PCDHGB4: variants seen among roughly 807,000 people sequenced by gnomAD.
PCDHGB4 encodes protocadherin gamma subfamily B, 4.
PCDHGB4 carries 38 observed loss-of-function variants against 60.5 expected under a neutral mutation model. The observed-to-expected ratio is 0.63, with a 90% CI of 0.48 to 0.82. The LOEUF (loss-of-function observed/expected upper bound fraction) is 0.82. Among genes scored for constraint, PCDHGB4 ranks in the 40% least tolerant of loss-of-function variants. The probability of loss-of-function intolerance (pLI) is 0.00; values close to 1 mark genes in which losing one functional copy is unlikely to be tolerated. For missense variants in PCDHGB4, 1,109 were observed against 1,209.6 expected (o/e 0.92, Z 1.23); for synonymous variants, 456 against 509.7 (o/e 0.89, Z 1.42).
chr5:141,423,011 T>C, intron 1 of PCDHGB4: 4 of 1,614,186 alleles, frequency 2.5e-6, no homozygotes, highest in Non-Finnish European at 3.4e-6. Flanking sequence ...GTGGTTGCGG[T>C]GGACAAAGAT....
chr5:141,485,259 G>C lies in PCDHGB4; in HGVS notation c.2398-9548G>C. ...TTTTACCACCTGGGTTACGTTTGTGGGCAGATCCGCTACCCGGTCCCAGAG... is the reference window on the plus strand; with the variant it reads ...TTTTACCACCTGGGTTACGTTTGTGCGCAGATCCGCTACCCGGTCCCAGAG... On this transcript the variant is annotated intron_variant, in intron 1 of 3. Coordinates refer to ENST00000519479, the MANE Select transcript of PCDHGB4 (RefSeq NM_003736.4). The surrounding 1 kb of genome is among the most constrained non-coding windows in gnomAD (Gnocchi z 5.7). 1.2e-6 allele frequency: 2 copies of C among 1,614,136 alleles called. No homozygotes were observed. The highest frequency in any genetic ancestry group is 1.7e-6 in the Non-Finnish European group (2 of 1,180,002).
At chr5:141,438,091 C>T (rs964466012) in intron 1 of PCDHGB4, among the ~76,000 whole-genome samples, 1 of 152,098 alleles carries the variant, frequency 6.6e-6, no homozygotes, top group Admixed American at 6.6e-5. Flanking sequence ...TTACCAGTAA[C>T]AGGGCATACT....
At chr5:141,447,636 T>C (rs772671166) in intron 1 of PCDHGB4, among the ~76,000 whole-genome samples, 49 of 152,136 alleles carry the variant, frequency 3.2e-4, no homozygotes, top group Non-Finnish European at 5.3e-4. Context: ...ACAGTATGAA[T>C]GATGGTAGAA....
At chr5:141,422,847 C>T (rs1271794821) in intron 1 of PCDHGB4, 2 of 1,614,116 alleles carry the variant, frequency 1.2e-6, no homozygotes, top group Non-Finnish European at 1.7e-6. Context: ...ACAGCGGGGA[C>T]CCGCCCCTCA....
chr5:141,417,634 G>A, intron 1 of PCDHGB4: 1 of 721,778 alleles, frequency 1.4e-6, no homozygotes, highest in Non-Finnish European at 2.1e-6. Context: ...GCTGACGCCG[G>A]GGATCCCTCA....
chr5:141,478,878 T>C (rs946127535), intron 1 of PCDHGB4: 8 of 1,250,076 alleles, frequency 6.4e-6, no homozygotes, highest in Non-Finnish European at 8.6e-6. Context: ...GAGTTTAGCT[T>C]GGTATCATTT....
rs1365133001 is a variant in PCDHGB4 at position 141,477,683 on chromosome 5, G to A, written c.2398-17124G>A. ...TGACAATGGCATAGTGTCATCCTTA[G>A]TGCCCCTAGACTATGAGGATCGGCG... On this transcript the variant is annotated intron_variant, in intron 1 of 3. Transcript: ENST00000519479. This position sits in a 1 kb window ranked among gnomAD's most constrained non-coding sequence, Gnocchi z 4.9. 1.2e-6 allele frequency: 2 copies of A among 1,614,176 alleles called. No homozygotes were observed. The highest frequency in any genetic ancestry group is 3.3e-5 in the Admixed American group (2 of 60,028).
rs775775135 is a variant in PCDHGB4 at position 141,400,234 on chromosome 5, G to GTTGCCTTGCGCCTCC, written c.2397+9954_2397+9955insTGCCTTGCGCCTCCT. The GTTGCCTTGCGCCTCC allele has an allele frequency of 3.1e-6, 5 of 1,613,868 alleles. No homozygotes were observed. In the East Asian group the frequency reaches 1.1e-4, roughly 36 times the overall value. On this transcript the variant is annotated intron_variant, in intron 1 of 3. Transcript: ENST00000519479. ...GATCTCAGTGCTCTTCCTCCTGGCC[G>GTTGCCTTGCGCCTCC]TGATTCTGGCCGTTGCCTTGCGCCT...
At chr5:141,423,228 C>G (rs1321708353) in intron 1 of PCDHGB4, 5 of 1,613,866 alleles carry the variant, frequency 3.1e-6, no homozygotes, top group Non-Finnish European at 2.5e-6. Context: ...CTGTGGCCGA[C>G]AGCATCCCCG....
intron 1 of PCDHGB4, among the ~76,000 whole-genome samples, chr5:141,459,534 T>G (rs980917458): frequency 1.3e-5 from 2 of 151,990 alleles, no homozygotes; most frequent in African/African-American, 2.4e-5. Flanking sequence ...TGTAGGCATA[T>G]TTTTTTTATT....
chr5:141,495,735 T>C (rs1595351919), intron 2 of PCDHGB4, among the ~76,000 whole-genome samples: 1 of 152,044 alleles, frequency 6.6e-6, no homozygotes, highest in Admixed American at 6.5e-5. Context: ...CCTTAGTCTC[T>C]TTCTCCTTCT....
intron 1 of PCDHGB4, chr5:141,441,694 G>A (rs1443778772): frequency 2.3e-5 from 7 of 301,140 alleles, no homozygotes; most frequent in Non-Finnish European, 2.6e-5. Context: ...GAGCAGCCGC[G>A]AGCCTTCAAG....
chr5:141,454,669 AC>A (rs1292139052), intron 1 of PCDHGB4, among the ~76,000 whole-genome samples: 1 of 151,212 alleles, frequency 6.6e-6, no homozygotes, highest in African/African-American at 2.4e-5. Context: ...GCCTCCCAAA[AC>A]ACTGGGATTA....
chr5:141,390,358 G>A lies in PCDHGB4; in HGVS notation c.2397+77G>A, dbSNP rs934109377. ...TATTCACAAGAAAATATACATATTT[G>A]CAGGAAAATATATAATTTTTAGATG... is the stretch of plus-strand genomic sequence containing the variant. On this transcript the variant is annotated intron_variant, in intron 1 of 3. Coordinates refer to ENST00000519479, the MANE Select transcript of PCDHGB4 (RefSeq NM_003736.4). The A allele has an allele frequency of 3.9e-6, 6 of 1,540,796 alleles. No homozygotes were observed. In the African/African-American group the frequency reaches 8.3e-5, roughly 21 times the overall value.
intron 1 of PCDHGB4, chr5:141,392,860 T>A (rs726684): frequency 2.5e-6 from 4 of 1,612,016 alleles, no homozygotes; most frequent in Admixed American, 3.4e-5. Flanking sequence ...CTGATCCTGC[T>A]GTGCGCGCTG....
chr5:141,450,758 A>G (rs1007910264), intron 1 of PCDHGB4, among the ~76,000 whole-genome samples: 2 of 151,784 alleles, frequency 1.3e-5, no homozygotes, highest in African/African-American at 4.8e-5. Flanking sequence ...AAGTGCCGGG[A>G]TTACAGGCAT....
chr5:141,511,129 G>A lies in PCDHGB4; in HGVS notation c.2728G>A (p.Gly910Ser). ...GCGGGATGGCAAGGCCCCAGCAGGT[G>A]GCAATGGCAACAAGAAGAAGTCGGG... ...GKRDGKAPAGGNGNKKKSGKK... is the reference protein window; with the variant it reads ...GKRDGKAPAGSNGNKKKSGKK... Residue 910 changes from glycine to serine, a missense_variant, in exon 4 of 4, where the codon GGC becomes AGC. By Grantham distance (56) the Gly-to-Ser change is moderately conservative. Coordinates refer to ENST00000519479, the MANE Select transcript of PCDHGB4 (RefSeq NM_003736.4). 1 of 1,614,204 alleles carries A rather than the reference G, an allele frequency of 6.2e-7. No individual in the cohort carries two copies. Among genetic ancestry groups the A allele is most frequent in the Non-Finnish European group, 8.5e-7 (1 of 1,180,014 alleles).
chr5:141,451,009 T>C (rs1437016950), intron 1 of PCDHGB4, among the ~76,000 whole-genome samples: 1 of 151,566 alleles, frequency 6.6e-6, no homozygotes, highest in East Asian at 1.9e-4. Context: ...GTATTTTTTT[T>C]AGTAGAGACG....
intron 1 of PCDHGB4, 137 bp from the exon 2 acceptor site, chr5:141,494,670 C>T: frequency 6.5e-7 from 1 of 1,529,402 alleles, no homozygotes; most frequent in Non-Finnish European, 8.8e-7. Flanking sequence ...GGAGATGAGT[C>T]CACCCCTGCC....
Sources: allele counts gnomAD v4.1 joint callset (sites outside exome capture counted in the v4.1 genomes callset), GRCh38; gene constraint gnomAD v4.1.1; non-coding constraint Gnocchi (gnomAD v3.1); transcripts MANE v1.5; gene names NCBI Gene and HGNC (gene_info 2026-07-23, HGNC 2026-07-21).